Variants in CEP170 observed in about 807,000 individuals in gnomAD.
CEP170 encodes the protein centrosomal protein 170, also known as centrosomal protein of 170 kDa.
Under a neutral mutation model 151.9 loss-of-function variants are expected in CEP170, and 21 were observed. The ratio of observed to expected loss-of-function variants is 0.14; its 90% CI spans 0.10 to 0.20. CEP170 has a LOEUF of 0.20. Ranked by LOEUF, CEP170 falls within the 10% of genes least tolerant of loss-of-function variation. The pLI is 1.00. For synonymous variants in CEP170, 356 were observed against 648.8 expected (o/e 0.55, Z 6.86); for missense variants, 964 against 1,892.9 (o/e 0.51, Z 9.11).
At chr1:243,172,238 T>C (rs892355892) in intron 11 of CEP170, among the ~76,000 whole-genome samples, 1 of 152,218 alleles carries the variant, frequency 6.6e-6, no homozygotes, top group African/African-American at 2.4e-5. Flanking sequence ...TACTGCAAAA[T>C]TGCTTTAGGC....
intron 4 of CEP170, among the ~76,000 whole-genome samples, chr1:243,205,649 A>G (rs2061366848): frequency 6.6e-6 from 1 of 152,168 alleles, no homozygotes; most frequent in Non-Finnish European, 1.5e-5. Flanking sequence ...AAGTGATAAA[A>G]CTGTTTCCAA....
At chr1:243,231,274 G>T (rs1446102515) in intron 1 of CEP170, among the ~76,000 whole-genome samples, 7 of 142,148 alleles carry the variant, frequency 4.9e-5, no homozygotes, top group Non-Finnish European at 7.7e-5. Context: ...AGCTGACACA[G>T]TTTTTTTTTT....
chr1:243,244,641 G>T (rs542600161), intron 1 of CEP170, among the ~76,000 whole-genome samples: 23 of 152,156 alleles, frequency 1.5e-4, no homozygotes, highest in Admixed American at 7.2e-4. Context: ...AATTACTTGG[G>T]GGACTGAGGC....
At chr1:243,167,924 T>C (rs2058558316) in intron 12 of CEP170, among the ~76,000 whole-genome samples, 1 of 152,002 alleles carries the variant, frequency 6.6e-6, no homozygotes, top group Non-Finnish European at 1.5e-5. Flanking sequence ...AACGTTTTAT[T>C]ATTTAAGTAG....
chr1:243,174,055 T>C (rs2059060034), intron 10 of CEP170, among the ~76,000 whole-genome samples: 1 of 151,906 alleles, frequency 6.6e-6, no homozygotes, highest in African/African-American at 2.4e-5. Context: ...GAAATGCAGA[T>C]TCCAGGCCTA....
At chr1:243,232,633 T>C (rs1451332806) in intron 1 of CEP170, among the ~76,000 whole-genome samples, 1 of 152,186 alleles carries the variant, frequency 6.6e-6, no homozygotes, top group East Asian at 1.9e-4. Context: ...TCAACAGCTA[T>C]TGAGAAGCCT....
chr1:243,156,592 A>G (rs1198187069), intron 13 of CEP170, 137 bp from the exon 14 acceptor site: 3 of 704,140 alleles, frequency 4.3e-6, no homozygotes, highest in Non-Finnish European at 6.7e-6. Context: ...CATACCTCAC[A>G]AAAACCATAA....
At chr1:243,254,563 G>C (rs1404039790) in intron 1 of CEP170, 2 of 152,332 alleles carry the variant, frequency 1.3e-5, no homozygotes, top group East Asian at 3.9e-4. Flanking sequence ...ACACAAAAGG[G>C]ATTGGCCCGG....
intron 4 of CEP170, among the ~76,000 whole-genome samples, chr1:243,202,480 T>G (rs1198822473): frequency 4.6e-5 from 7 of 152,164 alleles, no homozygotes; most frequent in Admixed American, 4.6e-4. Flanking sequence ...ACAAAAAATG[T>G]GATTAAGCTA....
chr1:243,237,475 G>A (rs369651793), intron 1 of CEP170, among the ~76,000 whole-genome samples: 6 of 152,222 alleles, frequency 3.9e-5, no homozygotes, highest in African/African-American at 9.6e-5. Context: ...CTTAAGGATC[G>A]CTTTCGTTAA....
intron 14 of CEP170, among the ~76,000 whole-genome samples, chr1:243,147,369 A>G (rs1387829902): frequency 6.6e-6 from 1 of 152,344 alleles, no homozygotes; most frequent in East Asian, 1.9e-4. Flanking sequence ...TTTATTAGAC[A>G]GCACATAATT....
At chr1:243,152,468 G>A (rs1042949238) in intron 14 of CEP170, among the ~76,000 whole-genome samples, 2 of 143,028 alleles carry the variant, frequency 1.4e-5, no homozygotes, top group South Asian at 2.2e-4. Context: ...TGATCCACCC[G>A]CCTCAACCTC....
chr1:243,238,133 G>A (rs1255090609), intron 1 of CEP170, among the ~76,000 whole-genome samples: 2 of 152,016 alleles, frequency 1.3e-5, no homozygotes, highest in Non-Finnish European at 2.9e-5. Flanking sequence ...GATTATTTCT[G>A]AGAAGGTGAA....
At chr1:243,166,392 G>A in intron 12 of CEP170, 1 of 382,510 alleles carries the variant, frequency 2.6e-6, no homozygotes, top group East Asian at 4.6e-5. Flanking sequence ...TTGTTATACT[G>A]TATTGCTTAG....
chr1:243,143,380 C>A (rs1323017807), intron 14 of CEP170, among the ~76,000 whole-genome samples: 5 of 152,032 alleles, frequency 3.3e-5, no homozygotes, highest in Admixed American at 2.6e-4. Context: ...TAAGGCAGGA[C>A]TGGATCCAAG....
intron 1 of CEP170, among the ~76,000 whole-genome samples, chr1:243,248,854 G>C (rs1307610371): frequency 6.6e-6 from 1 of 152,048 alleles, no homozygotes; most frequent in Non-Finnish European, 1.5e-5. Context: ...CCTCCTATAA[G>C]CACCTTTTCC....
At chr1:243,134,943 A>G (rs776442588) in intron 17 of CEP170, among the ~76,000 whole-genome samples, 1 of 152,174 alleles carries the variant, frequency 6.6e-6, no homozygotes, top group Non-Finnish European at 1.5e-5. Flanking sequence ...AATATGATCA[A>G]GTTTGTATAG....
intron 1 of CEP170, among the ~76,000 whole-genome samples, chr1:243,245,218 A>G (rs1457743260): frequency 6.6e-6 from 1 of 152,196 alleles, no homozygotes; most frequent in African/African-American, 2.4e-5. Context: ...CACATTTTAA[A>G]AAAATGTCAA....
At chr1:243,139,232 G>T (rs550476415) in intron 16 of CEP170, among the ~76,000 whole-genome samples, 1 of 152,078 alleles carries the variant, frequency 6.6e-6, no homozygotes, top group Admixed American at 6.5e-5. Flanking sequence ...CTCCTGAGTA[G>T]CTGGGATTAC....
Sources: allele counts gnomAD v4.1 joint callset (sites outside exome capture counted in the v4.1 genomes callset), GRCh38; gene constraint gnomAD v4.1.1; transcripts MANE v1.5; gene names NCBI Gene and HGNC (gene_info 2026-07-23, HGNC 2026-07-21).